Variants in CDH15 observed in about 807,000 individuals in gnomAD.
CDH15 encodes cadherin-15.
Under a neutral mutation model 69.4 loss-of-function variants are expected in CDH15, and 73 were observed. The observed-to-expected ratio is 1.05, with a 90% CI of 0.87 to 1.28. The LOEUF is 1.28. Among genes scored for constraint, CDH15 ranks in the 50% most tolerant of loss-of-function variants. CDH15 has a pLI of 0.00. For missense variants in CDH15, 1,343 were observed against 1,133.6 expected (o/e 1.18, Z -2.65); for synonymous variants, 624 against 507.7 (o/e 1.23, Z -3.08).
chr16:89,189,765 A>G (rs1915595893), intron 7 of CDH15, among the ~76,000 whole-genome samples: 1 of 152,242 alleles, frequency 6.6e-6, no homozygotes, highest in South Asian at 2.1e-4. Flanking sequence ...ACACAGTAAG[A>G]GGTTTACTGC....
chr16:89,176,036 C>CA (rs139747975), intron 1 of CDH15, among the ~76,000 whole-genome samples: 1,528 of 152,366 alleles, frequency 0.01, 32 homozygotes, highest in East Asian at 0.053. Flanking sequence ...TCAGGGTGGG[C>CA]AGATGGGCAG....
rs767936605 is a variant in CDH15 at position 89,193,573 on chromosome 16, C to G, written c.1959C>G (p.Asn653Lys). 4 of 1,608,588 alleles carry G rather than the reference C, an allele frequency of 2.5e-6. No homozygotes were observed. The highest frequency in any genetic ancestry group is 3.4e-6 in the Non-Finnish European group (4 of 1,178,364). Residue 653 changes from asparagine to lysine, a missense_variant, in exon 12 of 14, where the codon AAC becomes AAG. By Grantham distance (94) the Asn-to-Lys change is moderately conservative (BLOSUM62 0). Transcript: ENST00000289746. ...ACGACCTTCGAGACAATGTCCTCAACTACGATGAGCAAGGAGGCGGGGAGG... is the reference window on the plus strand; with the variant it reads ...ACGACCTTCGAGACAATGTCCTCAAGTACGATGAGCAAGGAGGCGGGGAGG... ...PQDDLRDNVL[N>K]YDEQGGGEED...
chr16:89,191,499 C>G lies in CDH15; in HGVS notation c.1375+27C>G, dbSNP rs982923190. On this transcript the variant is annotated intron_variant, in intron 9 of 13. Coordinates refer to ENST00000289746, the MANE Select transcript of CDH15 (RefSeq NM_004933.3). ...TGAGCGGCGCCGCCGGCTTGGGGCT[C>G]CCTGACCTGGCCTTGTCCCGGCTGA... 7 of 1,609,980 alleles carry G rather than the reference C, an allele frequency of 4.3e-6. No homozygotes were observed. In the Admixed American group the frequency reaches 1.2e-4, roughly 27 times the overall value.
intron 3 of CDH15, among the ~76,000 whole-genome samples, chr16:89,181,140 T>C (rs1388050705): frequency 6.6e-6 from 1 of 152,138 alleles, no homozygotes; most frequent in Non-Finnish European, 1.5e-5. Flanking sequence ...AGTTAATTTT[T>C]GTATTTTTAG....
rs1384576024 is a variant in CDH15 at position 89,187,411 on chromosome 16, T to G, written c.664-18T>G. Reference sequence around the variant, plus strand: ...CACCTGGGCCCTCATCTTCTGACCCTGTGCCCCACATCCCCAGGTGGTCGC... The same window carrying G: ...CACCTGGGCCCTCATCTTCTGACCCGGTGCCCCACATCCCCAGGTGGTCGC... On this transcript the variant is annotated intron_variant, in intron 5 of 13. Transcript: ENST00000289746. 2.5e-6 allele frequency: 4 copies of G among 1,612,040 alleles called. No homozygotes were observed. In the South Asian group the frequency reaches 4.4e-5, roughly 18 times the overall value.
At chr16:89,176,721 A>C (rs1040235693) in intron 1 of CDH15, among the ~76,000 whole-genome samples, 1 of 149,794 alleles carries the variant, frequency 6.7e-6, no homozygotes, top group Non-Finnish European at 1.5e-5. Context: ...TGATGTGGAG[A>C]TGGGGAAGGA....
rs921271477 is a variant in CDH15 at position 89,191,529 on chromosome 16, C to G, written c.1375+57C>G. On this transcript the variant is annotated intron_variant, in intron 9 of 13. Coordinates refer to ENST00000289746, the MANE Select transcript of CDH15 (RefSeq NM_004933.3). ...ACCTGGCCTTGTCCCGGCTGAGCAC[C>G]CCTGCCAGTGTCGGAGGGCTCTGCC... 8.1e-6 allele frequency: 13 copies of G among 1,602,444 alleles called. No individual in the cohort carries two copies. The African/African-American group carries it at 1.7e-4, about 21-fold the overall frequency.
chr16:89,192,357 C>G lies in CDH15; in HGVS notation c.1768C>G (p.Pro590Ala). The change falls in exon 11 of 14, where the codon CCG (proline) becomes GCG (alanine). Residue 590 changes from proline to alanine, a missense_variant. Pro to Ala is a conservative substitution (Grantham distance 27). Transcript: ENST00000289746. ...CRCGKDGVCL[P>A]GAAALLAGGT... ...CTGCGGCAAGGACGGCGTCTGCCTG[C>G]CGGGGGCCGCAGCGCTGCTGGCGGG... 1 of 1,537,478 alleles carries G rather than the reference C, an allele frequency of 6.5e-7. No homozygotes were observed. The highest frequency in any genetic ancestry group is 8.7e-7 in the Non-Finnish European group (1 of 1,148,138).
chr16:89,183,778 AG>A, intron 4 of CDH15, 86 bp downstream of exon 4: 1 of 1,399,472 alleles, frequency 7.1e-7, no homozygotes, highest in African/African-American at 1.4e-5. Flanking sequence ...CAAGAATTCC[AG>A]AGGCCCCTCA....
At chr16:89,180,177 C>A in intron 2 of CDH15, 23 bp from the exon 3 acceptor site, 2 of 1,609,548 alleles carry the variant, frequency 1.2e-6, no homozygotes, top group Non-Finnish European at 1.7e-6. Flanking sequence ...CAGCTCTCCC[C>A]AAACCCATTT....
intron 1 of CDH15, among the ~76,000 whole-genome samples, chr16:89,176,039 AT>A (rs1341796775): frequency 2.6e-5 from 4 of 152,190 alleles, no homozygotes; most frequent in Non-Finnish European, 4.4e-5. Flanking sequence ...GGGTGGGCAG[AT>A]GGGCAGCCTG....
Position 89,187,292 on chromosome 16 carries a change from C to T in CDH15, c.664-137C>T, listed in dbSNP as rs920613069. 3 of 944,820 alleles carry T rather than the reference C, an allele frequency of 3.2e-6. No homozygotes were observed. The African/African-American group carries it at 4.9e-5, about 15-fold the overall frequency. The allele number at this position is 944,820 out of a possible 1,614,324, so 58.5% of individuals were successfully genotyped here. ...TAGGATCAGGGCAGGATTCTCAGGG[C>T]CACTTGGGGTCTTCAACACCCACTG... On this transcript the variant is annotated intron_variant, in intron 5 of 13. Transcript: ENST00000289746.
chr16:89,183,547 G>A lies in CDH15; in HGVS notation c.358-1G>A. 6.2e-7 allele frequency: 1 copy of A among 1,614,134 alleles called. No individual in the cohort carries two copies. Among genetic ancestry groups the A allele is most frequent in the Non-Finnish European group, 8.5e-7 (1 of 1,180,048 alleles). On this transcript the variant is annotated splice_acceptor_variant, in intron 3 of 13. Coordinates refer to ENST00000289746, the MANE Select transcript of CDH15 (RefSeq NM_004933.3). LOFTEE classifies it high-confidence loss of function. Reference sequence around the variant, plus strand: ...CCAGCCCTTGCTCTATGTTTGAACAGCTAAGAGCGTTTGCCCTGGACCTGG... The same window carrying A: ...CCAGCCCTTGCTCTATGTTTGAACAACTAAGAGCGTTTGCCCTGGACCTGG...
At position 89,179,653 on chromosome 16, in the gene CDH15, C is replaced by T. The variant is rs576471850; in HGVS notation, c.201+79C>T. 8.4e-5 allele frequency: 121 copies of T among 1,434,398 alleles called. 1 individual carries two copies. The South Asian group carries it at 1.5e-3, about 17-fold the overall frequency. 88.9% of individuals were successfully genotyped at this position (1,434,398 alleles called of 1,614,324 possible). A position where few individuals can be genotyped will look rare whatever the true frequency, so the allele number is the denominator to read the frequency against. On this transcript the variant is annotated intron_variant, in intron 2 of 13. Coordinates refer to ENST00000289746, the MANE Select transcript of CDH15 (RefSeq NM_004933.3). ...GGCCTCCCTCATTCTCTAAAGGTCT[C>T]CTGGGAGCCAGCGGGGCCCCATTTC...
Position 89,176,884 on chromosome 16 carries a change from G to A in CDH15, c.43-2532G>A, listed in dbSNP as rs557335185. 2.6e-5 allele frequency among the ~76,000 whole-genome samples: 4 copies of A among 151,408 alleles called. No individual in the cohort carries two copies. In the East Asian group the frequency reaches 7.7e-4, roughly 29 times the overall value. ...CTGGGACCCCCAGCACCTCCCACCC[G>A]TCCCCCTGCCCGACATGGCAGCCCA... On this transcript the variant is annotated intron_variant, in intron 1 of 13. Coordinates refer to ENST00000289746, the MANE Select transcript of CDH15 (RefSeq NM_004933.3).
At chr16:89,190,634 G>A in intron 8 of CDH15, 138 bp downstream of exon 8, 1 of 1,154,156 alleles carries the variant, frequency 8.7e-7, no homozygotes, top group Non-Finnish European at 1.2e-6. Context: ...GGTCTGGAGG[G>A]TCTCGAGTCC....
At position 89,187,452 on chromosome 16, in the gene CDH15, C is replaced by G; in HGVS notation, c.687C>G (p.Thr229=). 6.2e-7 allele frequency: 1 copy of G among 1,613,402 alleles called. No homozygotes were observed. The highest frequency in any genetic ancestry group is 8.5e-7 in the Non-Finnish European group (1 of 1,180,014). The change falls in exon 6 of 14, where the codon ACC becomes ACG. Residue 229 remains threonine, a synonymous_variant. Coordinates refer to ENST00000289746, the MANE Select transcript of CDH15 (RefSeq NM_004933.3). Reference sequence around the variant, plus strand: ...AGGTGGTCGCGGTGTACAATCTGACCCTGCAGGTGGCGGACATGTCTGGAG... The same window carrying G: ...AGGTGGTCGCGGTGTACAATCTGACGCTGCAGGTGGCGGACATGTCTGGAG... ...DREVVAVYNL[T]LQVADMSGDG...
At chr16:89,174,275 C>G (rs572799135) in intron 1 of CDH15, among the ~76,000 whole-genome samples, 1 of 152,318 alleles carries the variant, frequency 6.6e-6, no homozygotes, top group East Asian at 1.9e-4. Flanking sequence ...CATCCAGGAA[C>G]GGGGTGGCCC....
At position 89,185,251 on chromosome 16, in the gene CDH15, T is replaced by C; in HGVS notation, c.581T>C (p.Leu194Pro). The C allele has an allele frequency of 6.2e-7, 1 of 1,605,924 alleles. No individual in the cohort carries two copies. Among genetic ancestry groups the C allele is most frequent in the South Asian group, 1.1e-5 (1 of 89,614 alleles). ...AACGCAGCGCTGCGGTTCTCCATCC[T>C]GCAGCAGGGCAGCCCCGAGCTCTTC... The part of the protein sequence containing the change: ...TDNAALRFSI[L>P]QQGSPELFSI... The change falls in exon 5 of 14, where the codon CTG (leucine) becomes CCG (proline). Residue 194 changes from leucine (L) to proline (P), a missense_variant. By Grantham distance (98) the Leu-to-Pro change is moderately conservative (BLOSUM62 -3). Transcript: ENST00000289746.
Sources: allele counts gnomAD v4.1 joint callset (sites outside exome capture counted in the v4.1 genomes callset), GRCh38; gene constraint gnomAD v4.1.1; transcripts MANE v1.5; gene names NCBI Gene and HGNC (gene_info 2026-07-23, HGNC 2026-07-21).